Variants in RAB10 observed in about 807,000 individuals in gnomAD.
RAB10 encodes RAB10, member RAS oncogene family.
RAB10 carries 5 observed loss-of-function variants against 25.7 expected under a neutral mutation model. The ratio of observed to expected loss-of-function variants is 0.19; its 90% confidence interval spans 0.10 to 0.41. The LOEUF (loss-of-function observed/expected upper bound fraction) is 0.41. RAB10 is among the 10% of genes least tolerant of loss of function. The probability of loss-of-function intolerance (pLI) is 1.00; values close to 1 mark genes in which losing one functional copy is unlikely to be tolerated. For synonymous variants in RAB10, 89 were observed against 86.4 expected (o/e 1.03, Z -0.16); for missense variants, 103 against 245.8 (o/e 0.42, Z 3.89).
In RAB10 at chr2:26,127,042, T is replaced by G. The variant is rs199949231; in HGVS notation, c.328-102T>G. 21 of 852,008 alleles carry G rather than the reference T, an allele frequency of 2.5e-5. No individual in the cohort carries two copies. The East Asian group carries it at 5.0e-4, about 20-fold the overall frequency. The allele number at this position is 852,008 out of a possible 1,614,324, so 52.8% of individuals were successfully genotyped here. On this transcript the variant is annotated intron_variant, in intron 3 of 5. Coordinates refer to ENST00000264710, the MANE Select transcript of RAB10 (RefSeq NM_016131.5). ...GGTGACTGCTTTAAAACTTCAAAGC[T>G]ATAGAAATGACCCTCTAAATTGAGA...
Position 26,034,582 on chromosome 2 carries a change from C to T in RAB10, c.-27C>T, listed in dbSNP as rs747034905. On this transcript the variant is annotated 5_prime_UTR_variant, in exon 1 of 6. Coordinates refer to ENST00000264710, the MANE Select transcript of RAB10 (RefSeq NM_016131.5). ...GGGACCGATCCCTTGGGGCCGCCGG[C>T]GGCGAGAGCCCGAGCCGCTCCTCCC... 1 of 1,612,202 alleles carries T rather than the reference C, an allele frequency of 6.2e-7. No individual in the cohort carries two copies. Among genetic ancestry groups the T allele is most frequent in the Non-Finnish European group, 8.5e-7 (1 of 1,179,830 alleles).
At chr2:26,115,660 G>C (rs1413180227) in intron 3 of RAB10, among the ~76,000 whole-genome samples, 1 of 152,106 alleles carries the variant, frequency 6.6e-6, no homozygotes, top group Non-Finnish European at 1.5e-5. Flanking sequence ...TAGTAGTGGT[G>C]ATAGTTGAAC....
intron 1 of RAB10, among the ~76,000 whole-genome samples, chr2:26,084,445 G>A (rs1329239231): frequency 3.3e-5 from 5 of 152,238 alleles, no homozygotes; most frequent in South Asian, 2.1e-4. Flanking sequence ...GAATGATATC[G>A]CAATAATGAG....
intron 1 of RAB10, among the ~76,000 whole-genome samples, chr2:26,072,574 G>C (rs1666650827): frequency 6.6e-6 from 1 of 152,204 alleles, no homozygotes. Flanking sequence ...TACTTGCTGA[G>C]CTTTGTAGTG....
intron 1 of RAB10, among the ~76,000 whole-genome samples, chr2:26,084,958 G>T (rs988872370): frequency 4.6e-5 from 7 of 152,074 alleles, no homozygotes; most frequent in African/African-American, 1.4e-4. Flanking sequence ...ATATTGCATT[G>T]TACTAGAAAT....
At chr2:26,044,463 C>G (rs1665953263) in intron 1 of RAB10, among the ~76,000 whole-genome samples, 2 of 151,970 alleles carry the variant, frequency 1.3e-5, no homozygotes, top group Admixed American at 1.3e-4. Context: ...GGAATGAACC[C>G]TTAAATGAAT....
At chr2:26,123,275 T>C (rs1322869467) in intron 3 of RAB10, among the ~76,000 whole-genome samples, 3 of 152,078 alleles carry the variant, frequency 2.0e-5, no homozygotes, top group African/African-American at 4.8e-5. Flanking sequence ...ACCGAAAACA[T>C]TGAAGTGGTC....
intron 1 of RAB10, among the ~76,000 whole-genome samples, chr2:26,079,461 A>G (rs562390910): frequency 6.6e-6 from 1 of 152,234 alleles, no homozygotes; most frequent in South Asian, 2.1e-4. Flanking sequence ...GCTAGAATGA[A>G]CTGTGGTATT....
chr2:26,044,454 G>A (rs1014057962), intron 1 of RAB10, among the ~76,000 whole-genome samples: 2 of 152,138 alleles, frequency 1.3e-5, no homozygotes, highest in African/African-American at 4.8e-5. Flanking sequence ...GTTAGTGCAG[G>A]AATGAACCCT....
intron 3 of RAB10, among the ~76,000 whole-genome samples, chr2:26,118,931 G>A (rs944058230): frequency 1.6e-4 from 24 of 152,306 alleles, no homozygotes; most frequent in African/African-American, 5.5e-4. Context: ...TGTTTTTGCC[G>A]TAAGTGGTTG....
intron 3 of RAB10, among the ~76,000 whole-genome samples, chr2:26,117,848 G>T (rs553871389): frequency 2.0e-5 from 3 of 152,038 alleles, no homozygotes; most frequent in Non-Finnish European, 2.9e-5. Context: ...GGGTAACTGG[G>T]GAACATAACT....
chr2:26,128,455 C>G (rs1017385543), intron 5 of RAB10, among the ~76,000 whole-genome samples: 7 of 152,172 alleles, frequency 4.6e-5, no homozygotes, highest in Non-Finnish European at 7.3e-5. Flanking sequence ...TCTGAAGGAT[C>G]TAGTCAGTGG....
chr2:26,113,756 AAAAAG>A lies in RAB10; in HGVS notation c.327+3854_327+3858del, dbSNP rs1277877243. On this transcript the variant is annotated intron_variant, in intron 3 of 5. Transcript: ENST00000264710. The stretch of plus-strand genomic sequence containing the variant: ...TCCAGCCAGAGCTAAAAAAAAAAAA[AAAAAG>A]AAAGAAAGAAAAAAAGCCATCCAGA... Among the ~76,000 whole-genome samples the A allele has an allele frequency of 7.5e-4, 114 of 151,430 alleles. No homozygotes were observed. The East Asian group carries it at 0.018, about 24-fold the overall frequency.
In RAB10 at chr2:26,135,086, C is replaced by A; in HGVS notation, c.*65C>A. ...TTTCTCTTCTTGCTGCAAAATAAACCACTCTGTCCATTTTTAACTCTAAAC... is the reference window on the plus strand; with the variant it reads ...TTTCTCTTCTTGCTGCAAAATAAACAACTCTGTCCATTTTTAACTCTAAAC... On this transcript the variant is annotated 3_prime_UTR_variant, in exon 6 of 6. Transcript: ENST00000264710. 7.7e-7 allele frequency: 1 copy of A among 1,304,832 alleles called. No homozygotes were observed. Among genetic ancestry groups the A allele is most frequent in the South Asian group, 1.3e-5 (1 of 76,498 alleles). The allele number at this position is 1,304,832 out of a possible 1,614,324, so 80.8% of individuals were successfully genotyped here.
At chr2:26,102,016 T>A (rs1321243651) in intron 2 of RAB10, 1 of 152,494 alleles carries the variant, frequency 6.6e-6, no homozygotes, top group East Asian at 1.9e-4. Context: ...GTCCTTGTCC[T>A]TGCCTCCTTG....
intron 1 of RAB10, among the ~76,000 whole-genome samples, chr2:26,037,955 C>T (rs985758466): frequency 5.3e-5 from 8 of 151,384 alleles, no homozygotes; most frequent in African/African-American, 1.7e-4. Flanking sequence ...GGTGTGATCT[C>T]GGCTCACTGC....
At chr2:26,076,976 A>G (rs959668855) in intron 1 of RAB10, among the ~76,000 whole-genome samples, 11 of 152,004 alleles carry the variant, frequency 7.2e-5, no homozygotes, top group African/African-American at 2.6e-4. Flanking sequence ...AAGTGTCAAA[A>G]TAGCACTATA....
chr2:26,127,738 A>T (rs1434983737), intron 4 of RAB10, 112 bp from the exon 5 acceptor site: 7 of 708,670 alleles, frequency 9.9e-6, no homozygotes, highest in Admixed American at 2.5e-5. Context: ...TGTGTTATAT[A>T]TTCTAGTTGG....
chr2:26,108,595 C>T (rs80297815), intron 2 of RAB10, among the ~76,000 whole-genome samples: 1 of 143,276 alleles, frequency 7.0e-6, no homozygotes, highest in East Asian at 2.1e-4. Context: ...TATATACACA[C>T]ATACACAAAT....
Sources: gnomAD v4.1 joint callset for allele counts (sites outside exome capture counted in the v4.1 genomes callset) on GRCh38, gnomAD v4.1.1 for gene constraint, MANE v1.5 for transcripts, NCBI Gene and HGNC (gene_info 2026-07-23, HGNC 2026-07-21) for gene names.